Variants in BCAT1 observed in about 807,000 individuals in gnomAD.
BCAT1 encodes the protein branched-chain-amino-acid aminotransferase, cytosolic.
In BCAT1, 48 loss-of-function variants were observed where a neutral mutation model predicts 52.4. The observed-to-expected ratio is 0.92, with a 90% CI of 0.73 to 1.16. The LOEUF is 1.16. BCAT1 is among the 50% of genes most tolerant of loss of function. The pLI is 0.00. For missense variants in BCAT1, 451 were observed against 457.1 expected (o/e 0.99, Z 0.12); for synonymous variants, 167 against 161.3 (o/e 1.04, Z -0.27).
chr12:24,819,991 A>G (rs1162643167), intron 10 of BCAT1, among the ~76,000 whole-genome samples: 1 of 152,214 alleles, frequency 6.6e-6, no homozygotes, highest in Non-Finnish European at 1.5e-5. Context: ...TTGGATTCCC[A>G]TTAATATATT....
At chr12:24,918,691 A>G (rs1015401718) in intron 1 of BCAT1, among the ~76,000 whole-genome samples, 3 of 152,182 alleles carry the variant, frequency 2.0e-5, no homozygotes, top group African/African-American at 4.8e-5. Context: ...AACCCTTGCT[A>G]TCAAAATAAA....
At chr12:24,841,510 C>T (rs983710555) in intron 7 of BCAT1, among the ~76,000 whole-genome samples, 1 of 152,168 alleles carries the variant, frequency 6.6e-6, no homozygotes, top group Admixed American at 6.5e-5. Flanking sequence ...ATCATGGTAA[C>T]TTAAATCCCT....
chr12:24,834,396 G>C, intron 8 of BCAT1: 1 of 985,170 alleles, frequency 1.0e-6, no homozygotes, highest in Non-Finnish European at 1.2e-6. Context: ...CTCAAGGATA[G>C]GAAATGGGAA....
intron 10 of BCAT1, among the ~76,000 whole-genome samples, chr12:24,820,215 T>A (rs1364680416): frequency 6.6e-6 from 1 of 152,206 alleles, no homozygotes; most frequent in African/African-American, 2.4e-5. Flanking sequence ...TAATATGCAC[T>A]AAGCTTTACT....
Position 24,836,557 on chromosome 12 carries a change from A to G in BCAT1, c.857T>C (p.Leu286Pro), listed in dbSNP as rs753916893. 6.2e-7 allele frequency: 1 copy of G among 1,613,214 alleles called. No individual in the cohort carries two copies. The highest frequency in any genetic ancestry group is 2.2e-5 in the East Asian group (1 of 44,868). ...LATPPLDGII[L>P]PGVTRRCILD... The stretch of plus-strand genomic sequence containing the variant: ...AATGCACCGCCTTGTCACTCCTGGA[A>G]GAATGATGCCATCTAGTGGAGGAGT... Residue 286 changes from leucine (L) to proline (P), a missense_variant, in exon 8 of 11, where the codon CTT becomes CCT. Leu to Pro is a moderately conservative substitution (Grantham distance 98). Transcript: ENST00000261192.
intron 10 of BCAT1, among the ~76,000 whole-genome samples, chr12:24,822,255 G>T (rs900933416): frequency 2.0e-5 from 3 of 152,334 alleles, no homozygotes; most frequent in East Asian, 1.9e-4. Flanking sequence ...GACCCAGGGA[G>T]TTATGTGGAC....
chr12:24,894,665 G>T (rs1338176407), intron 2 of BCAT1, among the ~76,000 whole-genome samples, 190 bp from the exon 3 acceptor site: 1 of 152,086 alleles, frequency 6.6e-6, no homozygotes, highest in Non-Finnish European at 1.5e-5. Flanking sequence ...CATAATCTCT[G>T]CAATGTACAC....
At chr12:24,907,581 A>G (rs1176930845) in intron 1 of BCAT1, among the ~76,000 whole-genome samples, 1 of 152,100 alleles carries the variant, frequency 6.6e-6, no homozygotes, top group Non-Finnish European at 1.5e-5. Context: ...CTTTGTGACA[A>G]TACACCCTCC....
intron 8 of BCAT1, 54 bp from the exon 9 acceptor site, chr12:24,832,917 A>T: frequency 6.7e-7 from 1 of 1,501,274 alleles, no homozygotes; most frequent in Non-Finnish European, 9.1e-7. Context: ...GGCATGCAAA[A>T]CAATTGCAAT....
intron 10 of BCAT1, among the ~76,000 whole-genome samples, chr12:24,824,835 T>C (rs1940317334): frequency 6.6e-6 from 1 of 152,204 alleles, no homozygotes; most frequent in South Asian, 2.1e-4. Context: ...TTACCATCTT[T>C]ACAATTTTTA....
intron 1 of BCAT1, among the ~76,000 whole-genome samples, chr12:24,908,912 T>C (rs951701056): frequency 1.3e-5 from 2 of 152,168 alleles, no homozygotes; most frequent in African/African-American, 4.8e-5. Flanking sequence ...CTTTTGAGTC[T>C]CATATTTAAA....
intron 1 of BCAT1, among the ~76,000 whole-genome samples, chr12:24,939,995 A>T (rs72640141): frequency 0.12 from 18,990 of 152,214 alleles, 1,742 homozygotes; most frequent in South Asian, 0.38. Context: ...AAAATCAAAT[A>T]TATAAATATA....
chr12:24,924,230 T>C (rs1030869201), intron 1 of BCAT1, among the ~76,000 whole-genome samples: 8 of 152,126 alleles, frequency 5.3e-5, no homozygotes, highest in Admixed American at 3.3e-4. Context: ...TAACAAATTA[T>C]AATGAGAGGA....
chr12:24,908,479 G>A (rs1565494894), intron 1 of BCAT1, among the ~76,000 whole-genome samples: 1 of 152,198 alleles, frequency 6.6e-6, no homozygotes, highest in Non-Finnish European at 1.5e-5. Context: ...GCTCACACCT[G>A]TAATCCCCCC....
At chr12:24,921,961 A>G (rs1943505399) in intron 1 of BCAT1, among the ~76,000 whole-genome samples, 2 of 152,206 alleles carry the variant, frequency 1.3e-5, no homozygotes, top group Non-Finnish European at 1.5e-5. Flanking sequence ...TTAGATAAGA[A>G]AACTAGCACA....
chr12:24,898,466 G>A (rs1283911152), intron 2 of BCAT1, among the ~76,000 whole-genome samples: 2 of 139,326 alleles, frequency 1.4e-5, no homozygotes, highest in Non-Finnish European at 3.1e-5. Context: ...GGGCAGGGAA[G>A]TGTAAATTTG....
intron 7 of BCAT1, among the ~76,000 whole-genome samples, chr12:24,839,391 T>C (rs1941104473): frequency 6.6e-6 from 1 of 152,212 alleles, no homozygotes; most frequent in Admixed American, 6.5e-5. Context: ...CGAGATTCAC[T>C]GCTGTGGTTG....
chr12:24,917,324 G>A (rs551855516), intron 1 of BCAT1, among the ~76,000 whole-genome samples: 100 of 151,504 alleles, frequency 6.6e-4, no homozygotes, highest in South Asian at 1.5e-3. Context: ...AACTACAGGC[G>A]CCCGCCACCA....
chr12:24,897,614 T>A (rs1942990324), intron 2 of BCAT1, among the ~76,000 whole-genome samples: 1 of 152,204 alleles, frequency 6.6e-6, no homozygotes, highest in South Asian at 2.1e-4. Context: ...AGAGCAGTGA[T>A]GTGATCTGGG....
Sources: gnomAD v4.1 joint callset for allele counts (sites outside exome capture counted in the v4.1 genomes callset) on GRCh38, gnomAD v4.1.1 for gene constraint, MANE v1.5 for transcripts, NCBI Gene and HGNC (gene_info 2026-07-23, HGNC 2026-07-21) for gene names.